Variants in WWP1 observed in about 807,000 individuals in gnomAD.
WWP1 encodes WW domain containing E3 ubiquitin protein ligase 1, also known as NEDD4-like E3 ubiquitin-protein ligase WWP1.
A neutral mutation model predicts 130.6 loss-of-function variants in WWP1; 49 were observed. That is an observed-to-expected ratio of 0.38 (90% CI 0.30 to 0.48). The LOEUF (loss-of-function observed/expected upper bound fraction) is 0.48, where lower values mean the gene tolerates loss of function less well. Among genes scored for constraint, WWP1 ranks in the 20% least tolerant of loss-of-function variants. WWP1 has a pLI of 0.99. For synonymous variants in WWP1, 332 were observed against 367.8 expected, an observed-to-expected ratio of 0.90 and a Z score of 1.11; for missense variants, 809 against 1,100.6, an observed-to-expected ratio of 0.74 and a Z score of 3.75.
At chr8:86,449,566 A>T (rs1168706973) in intron 20 of WWP1, among the ~76,000 whole-genome samples, 2 of 152,232 alleles carry the variant, frequency 1.3e-5, no homozygotes, top group Non-Finnish European at 2.9e-5. Context: ...CAAATGCTGG[A>T]CAAAAAAACC....
chr8:86,446,164 T>C (rs1810864606), intron 18 of WWP1, among the ~76,000 whole-genome samples: 1 of 148,286 alleles, frequency 6.7e-6, no homozygotes, highest in Non-Finnish European at 1.5e-5. Flanking sequence ...GTATTTTTAA[T>C]AGAGATGGGG....
intron 22 of WWP1, among the ~76,000 whole-genome samples, chr8:86,458,432 G>T (rs145437325): frequency 7.9e-4 from 121 of 152,266 alleles, no homozygotes; most frequent in African/African-American, 2.9e-3. Context: ...TGATCGAGGG[G>T]ATAATGTCTA....
chr8:86,445,811 C>T (rs1810828753), intron 18 of WWP1, among the ~76,000 whole-genome samples: 1 of 151,922 alleles, frequency 6.6e-6, no homozygotes, highest in African/African-American at 2.4e-5. Context: ...GCCTTGCCAA[C>T]ATCTGTTATT....
intron 11 of WWP1, among the ~76,000 whole-genome samples, chr8:86,429,967 G>A (rs1442384038): frequency 1.3e-5 from 2 of 152,172 alleles, no homozygotes; most frequent in East Asian, 1.9e-4. Flanking sequence ...GGGAGGCTGA[G>A]GCGGGTGGAT....
Position 86,425,314 on chromosome 8 carries a change from C to T in WWP1, c.1153C>T (p.Pro385Ser). Residue 385 changes from proline (P) to serine (S), a missense_variant, in exon 10 of 25, where the codon CCA (proline) becomes TCA (serine). Pro to Ser is a moderately conservative substitution (Grantham distance 74). This residue lies in a region of WWP1 where 450 missense variants were observed against 674.2 expected (regional missense o/e 0.67). Transcript: ENST00000517970. The part of the protein sequence containing the change: ...TTWERPQPLP[P>S]GWERRVDDRR... ...ATGGGAGAGACCACAACCTTTACCT[C>T]CAGGGTAATATAGCACTCTTTATGC... 6.2e-7 allele frequency: 1 copy of T among 1,610,294 alleles called. No individual in the cohort carries two copies. The highest frequency in any genetic ancestry group is 8.5e-7 in the Non-Finnish European group (1 of 1,177,854).
rs2130444071 is a variant in WWP1, at chr8:86,391,969, A to C, written c.335-6373A>C. 1.3e-5 allele frequency among the ~76,000 whole-genome samples: 2 copies of C among 152,330 alleles called. 1 individual carries two copies. Among genetic ancestry groups the C allele is most frequent in the South Asian group, 4.1e-4 (2 of 4,826 alleles). On this transcript the variant is annotated intron_variant, in intron 5 of 24. Coordinates refer to ENST00000517970, the MANE Select transcript of WWP1 (RefSeq NM_007013.4). ...AGCCGTTTTTAGTAAATGCTCTAAG[A>C]AAGAGTAGTCGGGGGCCTATCATCA...
chr8:86,442,389 A>G (rs1465217532), intron 17 of WWP1: 2 of 311,280 alleles, frequency 6.4e-6, no homozygotes, highest in Non-Finnish European at 1.2e-5. Flanking sequence ...TAAGCATGTT[A>G]TATCTATATG....
At chr8:86,389,797 C>A (rs1300175936) in intron 5 of WWP1, among the ~76,000 whole-genome samples, 1 of 148,736 alleles carries the variant, frequency 6.7e-6, no homozygotes, top group Non-Finnish European at 1.5e-5. Flanking sequence ...CCGCCCCCCA[C>A]CTCCCTCCCA....
chr8:86,415,307 T>C (rs1401370837), intron 9 of WWP1, among the ~76,000 whole-genome samples: 1 of 152,174 alleles, frequency 6.6e-6, no homozygotes, highest in Non-Finnish European at 1.5e-5. Context: ...ATGTTGAAAA[T>C]TTACAAATGT....
intron 1 of WWP1, among the ~76,000 whole-genome samples, chr8:86,364,653 G>C (rs1428537642): frequency 6.6e-6 from 1 of 151,974 alleles, no homozygotes; most frequent in Admixed American, 6.6e-5. Flanking sequence ...AACAAACAAA[G>C]AAATTAACCA....
At chr8:86,350,964 T>C (rs1822887774) in intron 1 of WWP1, among the ~76,000 whole-genome samples, 2 of 152,188 alleles carry the variant, frequency 1.3e-5, no homozygotes. Flanking sequence ...ACAAACTAGA[T>C]TGTTCTTCTC....
chr8:86,411,726 T>G lies in WWP1; in HGVS notation c.913T>G (p.Ser305Ala). Residue 305 changes from serine to alanine, a missense_variant, in exon 9 of 25, where the codon TCT becomes GCT. Ser to Ala is a moderately conservative substitution (Grantham distance 99, BLOSUM62 1). Around this residue, in one of 3 missense-constraint regions of WWP1, gnomAD observed 97 missense variants for 80.4 expected, o/e 1.21. Coordinates refer to ENST00000517970, the MANE Select transcript of WWP1 (RefSeq NM_007013.4). ...CIPSTSAELE[S>A]EARSILEPDT... is the part of the protein sequence containing the mutation. ...TCCTTCTACCAGTGCAGAATTGGAA[T>G]CTGAAGCTAGAAGTATATTAGAGCC... is the stretch of plus-strand genomic sequence containing the variant. 1.2e-6 allele frequency: 2 copies of G among 1,614,176 alleles called. No homozygotes were observed.
intron 9 of WWP1, among the ~76,000 whole-genome samples, chr8:86,423,628 A>G (rs575644738): frequency 6.6e-6 from 1 of 152,314 alleles, no homozygotes; most frequent in Admixed American, 6.5e-5. Flanking sequence ...ACTTCTTTCT[A>G]CACAGACACA....
chr8:86,411,947 G>A lies in WWP1; in HGVS notation c.1061+73G>A, dbSNP rs192146704. 4.8e-5 allele frequency: 65 copies of A among 1,342,274 alleles called. No individual in the cohort carries two copies. The Admixed American group carries it at 6.3e-4, about 13-fold the overall frequency. The allele number at this position is 1,342,274 out of a possible 1,614,324, so 83.1% of individuals were successfully genotyped here. On this transcript the variant is annotated intron_variant, in intron 9 of 24. Transcript: ENST00000517970. ...GTTAACATACGATTATTGAATGTGTGCATAAAATGTTTTCATTGTTCAGAA... is the reference window on the plus strand; with the variant it reads ...GTTAACATACGATTATTGAATGTGTACATAAAATGTTTTCATTGTTCAGAA...
At chr8:86,346,347 C>A (rs916834942) in intron 1 of WWP1, among the ~76,000 whole-genome samples, 1 of 151,970 alleles carries the variant, frequency 6.6e-6, no homozygotes, top group Non-Finnish European at 1.5e-5. Context: ...GGTGTGAACC[C>A]GGGAGGCGGA....
At chr8:86,363,588 G>A (rs541893445) in intron 1 of WWP1, among the ~76,000 whole-genome samples, 53 of 152,112 alleles carry the variant, frequency 3.5e-4, no homozygotes, top group African/African-American at 1.2e-3. Flanking sequence ...GATCACTTGA[G>A]GTCAGGAGTT....
At chr8:86,343,237 G>A (rs1822334178) in intron 1 of WWP1, 1 of 162,242 alleles carries the variant, frequency 6.2e-6, no homozygotes, top group African/African-American at 2.4e-5. Context: ...GGCTTCCTTA[G>A]CCTTCTCTTC....
intron 24 of WWP1, among the ~76,000 whole-genome samples, chr8:86,466,061 A>G (rs1281721828): frequency 1.3e-5 from 2 of 152,196 alleles, no homozygotes; most frequent in Non-Finnish European, 2.9e-5. Flanking sequence ...CTATCTCACT[A>G]GTCACTGCTA....
chr8:86,379,243 G>A (rs377000797), intron 3 of WWP1, among the ~76,000 whole-genome samples: 2 of 152,160 alleles, frequency 1.3e-5, no homozygotes, highest in Admixed American at 1.3e-4. Context: ...AACGATGAAG[G>A]ATGGAAATGA....
Sources: gnomAD v4.1 joint callset for allele counts (sites outside exome capture counted in the v4.1 genomes callset) on GRCh38, gnomAD v4.1.1 for gene constraint, gnomAD v4.1.1 regional missense constraint, MANE v1.5 for transcripts, NCBI Gene and HGNC (gene_info 2026-07-23, HGNC 2026-07-21) for gene names.